The following CRACD variants were observed in gnomAD, a reference collection of about 807,000 sequenced individuals.
The protein encoded by CRACD is capping protein-inhibiting regulator of actin dynamics.
Under a neutral mutation model 106.8 loss-of-function variants are expected in CRACD, and 56 were observed. The observed-to-expected ratio is 0.52, with a 90% CI of 0.42 to 0.66. CRACD has a LOEUF of 0.66. CRACD is among the 30% of genes least tolerant of loss of function. The probability of loss-of-function intolerance (pLI) is 0.00; values close to 1 mark genes in which losing one functional copy is unlikely to be tolerated. For missense variants in CRACD, 1,730 were observed against 1,623.2 expected (o/e 1.07, Z -1.13); for synonymous variants, 754 against 670.8 (o/e 1.12, Z -1.92).
At chr4:56,259,120 G>C (rs1031089844) in intron 2 of CRACD, among the ~76,000 whole-genome samples, 9 of 152,146 alleles carry the variant, frequency 5.9e-5, no homozygotes, top group Non-Finnish European at 8.8e-5. Flanking sequence ...TAAGGGTACT[G>C]CTTCACTTTT....
At chr4:56,312,317 C>T (rs1043052788) in intron 6 of CRACD, among the ~76,000 whole-genome samples, 16 of 152,154 alleles carry the variant, frequency 1.1e-4, no homozygotes, top group Admixed American at 3.3e-4. Flanking sequence ...ACCACCACAC[C>T]CGGCTAATTT....
chr4:56,212,773 C>T (rs1469334617), intron 2 of CRACD, among the ~76,000 whole-genome samples: 1 of 152,174 alleles, frequency 6.6e-6, no homozygotes, highest in Non-Finnish European at 1.5e-5. Flanking sequence ...AAGTTTGCCA[C>T]CCCTGCAATA....
chr4:56,314,725 G>C lies in CRACD; in HGVS notation c.1223G>C (p.Gly408Ala). The C allele has an allele frequency of 6.4e-7, 1 of 1,569,856 alleles. No homozygotes were observed. ...EEDLGEEEEE[G>A]QAHLEDWRGQ... ...GATCTGGGGGAAGAGGAGGAGGAGGGCCAGGCGCACCTGGAGGACTGGAGG... is the reference window on the plus strand; with the variant it reads ...GATCTGGGGGAAGAGGAGGAGGAGGCCCAGGCGCACCTGGAGGACTGGAGG... Residue 408 changes from glycine to alanine, a missense_variant, in exon 8 of 11, where the codon GGC becomes GCC. Gly to Ala is a moderately conservative substitution (Grantham distance 60, BLOSUM62 0). Transcript: ENST00000682029. The surrounding 1 kb of genome is among the most constrained non-coding windows in gnomAD (Gnocchi z 4.4).
At chr4:56,082,320 T>C (rs939640117) in intron 1 of CRACD, among the ~76,000 whole-genome samples, 6 of 152,042 alleles carry the variant, frequency 3.9e-5, no homozygotes, top group Non-Finnish European at 7.4e-5. Flanking sequence ...ATCCAAAAGA[T>C]GAGTGAGGAC....
At chr4:56,186,396 A>G (rs1737096693) in intron 2 of CRACD, among the ~76,000 whole-genome samples, 1 of 152,120 alleles carries the variant, frequency 6.6e-6, no homozygotes, top group African/African-American at 2.4e-5. Context: ...ATCAAATGTG[A>G]TTGTTGTATA....
chr4:56,323,675 G>C, intron 9 of CRACD, 108 bp downstream of exon 9: 2 of 1,066,846 alleles, frequency 1.9e-6, no homozygotes, highest in Non-Finnish European at 2.6e-6. Context: ...AAAGTACTTA[G>C]AGAGGGCCAA....
intron 1 of CRACD, among the ~76,000 whole-genome samples, chr4:56,089,803 G>C (rs1246943311): frequency 6.6e-6 from 1 of 152,040 alleles, no homozygotes. Context: ...ATGAGCCACC[G>C]TGCCTGGCTA....
At chr4:56,199,406 G>C (rs963173425) in intron 2 of CRACD, among the ~76,000 whole-genome samples, 1 of 152,146 alleles carries the variant, frequency 6.6e-6, no homozygotes, top group Non-Finnish European at 1.5e-5. Context: ...GAACCTGCCT[G>C]GGCGCAGTGG....
At chr4:56,099,984 T>A (rs537413871) in intron 1 of CRACD, among the ~76,000 whole-genome samples, 2 of 152,308 alleles carry the variant, frequency 1.3e-5, no homozygotes, top group South Asian at 4.1e-4. Flanking sequence ...GGCTCATGCC[T>A]GTAATCCCAG....
chr4:56,167,390 G>A (rs1166881179), intron 1 of CRACD, among the ~76,000 whole-genome samples: 2 of 152,202 alleles, frequency 1.3e-5, no homozygotes, highest in East Asian at 1.9e-4. Flanking sequence ...GGGCTATAAA[G>A]TGGTGCTATG....
intron 1 of CRACD, among the ~76,000 whole-genome samples, chr4:56,163,802 A>G (rs1736043435): frequency 6.6e-6 from 1 of 151,760 alleles, no homozygotes; most frequent in East Asian, 1.9e-4. Context: ...CTGCAGTGCC[A>G]TGGCACAGTC....
chr4:56,065,089 T>G (rs1732413638), intron 1 of CRACD, among the ~76,000 whole-genome samples: 1 of 151,414 alleles, frequency 6.6e-6, no homozygotes, highest in South Asian at 2.1e-4. Context: ...TTTTTTAAAT[T>G]TTTTTATTTT....
At chr4:56,200,205 C>A (rs1410898778) in intron 2 of CRACD, among the ~76,000 whole-genome samples, 2 of 151,716 alleles carry the variant, frequency 1.3e-5, no homozygotes, top group Admixed American at 1.3e-4. Flanking sequence ...GAGCTCTTGT[C>A]CGTTACACTA....
intron 2 of CRACD, among the ~76,000 whole-genome samples, chr4:56,243,817 A>C (rs1740510529): frequency 6.6e-6 from 1 of 152,124 alleles, no homozygotes; most frequent in East Asian, 1.9e-4. Context: ...TGTACAATTA[A>C]TGTTATTGAC....
chr4:56,218,035 A>T (rs923680827), intron 2 of CRACD, among the ~76,000 whole-genome samples: 3 of 152,048 alleles, frequency 2.0e-5, no homozygotes, highest in Non-Finnish European at 4.4e-5. Flanking sequence ...CTGTGTCTTT[A>T]CGTTGTCTTT....
Position 56,314,314 on chromosome 4 carries a change from A to C in CRACD, c.812A>C (p.Glu271Ala), listed in dbSNP as rs1402780218. The C allele has an allele frequency of 3.9e-6, 6 of 1,551,856 alleles. No homozygotes were observed. In the African/African-American group the frequency reaches 8.2e-5, roughly 21 times the overall value. The stretch of plus-strand genomic sequence containing the variant: ...GAGAACAGAAGGCAGGAGCTCTTGG[A>C]GGAGGAGGGCGAGGGGCAGGAGCCG... ...WEENRRQELLEEEGEGQEPPL... is the reference protein window; with the variant it reads ...WEENRRQELLAEEGEGQEPPL... The change falls in exon 8 of 11, where the codon GAG (glutamate) becomes GCG (alanine). Residue 271 changes from glutamate to alanine, a missense_variant. By Grantham distance (107) the Glu-to-Ala change is moderately radical (BLOSUM62 -1). Coordinates refer to ENST00000682029, the MANE Select transcript of CRACD (RefSeq NM_001393381.1). The surrounding 1 kb of genome is among the most constrained non-coding windows in gnomAD (Gnocchi z 4.4).
rs1745477660 is a variant in CRACD at position 56,314,957 on chromosome 4, A to G, written c.1455A>G (p.Glu485=). 1 of 1,592,436 alleles carries G rather than the reference A, an allele frequency of 6.3e-7. No homozygotes were observed. Among genetic ancestry groups the G allele is most frequent in the Non-Finnish European group, 8.5e-7 (1 of 1,170,992 alleles). Residue 485 remains glutamate (E), a synonymous_variant, in exon 8 of 11, where the codon GAA becomes GAG. Transcript: ENST00000682029. The surrounding 1 kb of genome is among the most constrained non-coding windows in gnomAD (Gnocchi z 4.4). Reference sequence around the variant, plus strand: ...CTGGGCCCGAGGAAAAGAGAGAAGAAGGGGACACGGAGCCTCTCCTGAAAC... The same window carrying G: ...CTGGGCCCGAGGAAAAGAGAGAAGAGGGGGACACGGAGCCTCTCCTGAAAC... The part of the protein sequence containing the change: ...DRPGPEEKRE[E]GDTEPLLKQE...
intron 1 of CRACD, among the ~76,000 whole-genome samples, chr4:56,158,535 A>G (rs907733832): frequency 3.3e-5 from 5 of 152,200 alleles, no homozygotes; most frequent in Admixed American, 1.3e-4. Context: ...TTGCACCTCA[A>G]TTGGCAGTCA....
At position 56,314,541 on chromosome 4, in the gene CRACD, C is replaced by G. The variant is rs1029606486; in HGVS notation, c.1039C>G (p.Gln347Glu). 6.6e-7 allele frequency: 1 copy of G among 1,506,872 alleles called. No individual in the cohort carries two copies. 93.3% of individuals were successfully genotyped at this position (1,506,872 alleles called of 1,614,324 possible). A position where few individuals can be genotyped will look rare whatever the true frequency, so the allele number is the denominator to read the frequency against. Residue 347 changes from glutamine (Q) to glutamate (E), a missense_variant, in exon 8 of 11, where the codon CAG (glutamine) becomes GAG (glutamate). By Grantham distance (29) the Gln-to-Glu change is conservative. Around this residue, in one of 5 missense-constraint regions of CRACD, gnomAD observed 1,620 missense variants for 1,481.6 expected, o/e 1.09. Coordinates refer to ENST00000682029, the MANE Select transcript of CRACD (RefSeq NM_001393381.1). This position sits in a 1 kb window ranked among gnomAD's most constrained non-coding sequence, Gnocchi z 4.4. ...CGCCAGGCTGGAGGAGCGGAGGCGGCAGGAGGAGGAGGAAGGAAGATGCGC... is the reference window on the plus strand; with the variant it reads ...CGCCAGGCTGGAGGAGCGGAGGCGGGAGGAGGAGGAGGAAGGAAGATGCGC... ...EDARLEERRR[Q>E]EEEEGRCAEE...
Sources: allele counts gnomAD v4.1 joint callset (sites outside exome capture counted in the v4.1 genomes callset), GRCh38; gene constraint gnomAD v4.1.1; regional missense constraint gnomAD v4.1.1; non-coding constraint Gnocchi (gnomAD v3.1); transcripts MANE v1.5; gene names NCBI Gene and HGNC (gene_info 2026-07-23, HGNC 2026-07-21).